Variants in THSD4 observed in about 807,000 individuals in gnomAD.
The protein encoded by THSD4 is thrombospondin type 1 domain containing 4.
THSD4 carries 69 observed loss-of-function variants against 119.0 expected under a neutral mutation model. That is an observed-to-expected ratio of 0.58 (90% CI 0.48 to 0.71). The LOEUF is 0.71. THSD4 is among the 30% of genes least tolerant of loss of function. The pLI, the probability that THSD4 is intolerant of heterozygous loss-of-function variation, is 0.00. For missense variants in THSD4, 1,393 were observed against 1,391.1 expected, an observed-to-expected ratio of 1.00 and a Z score of -0.02; for synonymous variants, 524 against 540.4, an observed-to-expected ratio of 0.97 and a Z score of 0.42.
intron 8 of THSD4, among the ~76,000 whole-genome samples, chr15:71,669,272 G>A (rs1002597007): frequency 6.6e-6 from 1 of 151,884 alleles, no homozygotes; most frequent in Non-Finnish European, 1.5e-5. Flanking sequence ...TTTTTAAATT[G>A]CACTTGTAGT....
In THSD4 at chr15:71,263,331, G is replaced by GTATGTATATA. The variant is rs1555458977; in HGVS notation, c.1015+6619_1015+6620insGTATATATAT. 1.5e-3 allele frequency among the ~76,000 whole-genome samples: 212 copies of GTATGTATATA among 138,896 alleles called. 3 individuals carry two copies. Among genetic ancestry groups the GTATGTATATA allele is most frequent in the African/African-American group, 5.0e-3 (189 of 37,488 alleles). The allele number at this position is 138,896 out of a possible 152,430, so 91.1% of individuals were successfully genotyped here. A position where few individuals can be genotyped will look rare whatever the true frequency, so the allele number is the denominator to read the frequency against. The stretch of plus-strand genomic sequence containing the variant: ...TTTTATGGCTGCATAGTATTCCATG[G>GTATGTATATA]TATATATATATATATACGACATTTT... On this transcript the variant is annotated intron_variant, in intron 6 of 17. Transcript: ENST00000261862.
intron 7 of THSD4, among the ~76,000 whole-genome samples, chr15:71,511,269 T>G (rs974145993): frequency 6.6e-6 from 1 of 152,198 alleles, no homozygotes; most frequent in African/African-American, 2.4e-5. Context: ...GGTATTGGAC[T>G]GAGGCAGAGT....
At chr15:71,756,135 A>G (rs1228500219) in intron 14 of THSD4, among the ~76,000 whole-genome samples, 1 of 152,198 alleles carries the variant, frequency 6.6e-6, no homozygotes, top group Non-Finnish European at 1.5e-5. Context: ...TTCAGAGGGA[A>G]TTTTTAGCAT....
chr15:71,460,264 T>C (rs1566991942), intron 7 of THSD4, among the ~76,000 whole-genome samples: 2 of 151,374 alleles, frequency 1.3e-5, no homozygotes, highest in Admixed American at 6.6e-5. Context: ...CATAAAAATA[T>C]AGGTAGATAA....
chr15:71,106,318 A>G (rs953331883), intron 1 of THSD4, among the ~76,000 whole-genome samples: 3 of 152,068 alleles, frequency 2.0e-5, no homozygotes, highest in African/African-American at 7.2e-5. Context: ...CCTCCCCACC[A>G]TTCCTGAGTA....
rs55892951 is a variant in THSD4 at position 71,608,249 on chromosome 15, T to TAC, written c.1153-52248_1153-52247dup. Reference sequence around the variant, plus strand: ...AAAAAAAAAAAAAAATATATATATATACACACACACACACACACACACACA... The same window carrying TAC: ...AAAAAAAAAAAAAAATATATATATATACACACACACACACACACACACACACA... On this transcript the variant is annotated intron_variant, in intron 7 of 17. Coordinates refer to ENST00000261862, the MANE Select transcript of THSD4 (RefSeq NM_024817.3). Among the ~76,000 whole-genome samples, 1,038 of 106,200 alleles carry TAC rather than the reference T, an allele frequency of 9.8e-3. 20 individuals carry two copies. Among genetic ancestry groups the TAC allele is most frequent in the Non-Finnish European group, 0.012 (647 of 55,978 alleles). The allele number at this position is 106,200 out of a possible 152,430, so 69.7% of individuals were successfully genotyped here. A position where few individuals can be genotyped will look rare whatever the true frequency, so the allele number is the denominator to read the frequency against.
chr15:71,349,830 G>A (rs1365749356), intron 6 of THSD4, among the ~76,000 whole-genome samples: 3 of 152,124 alleles, frequency 2.0e-5, no homozygotes. Flanking sequence ...GGTTTGTAAG[G>A]GTAACAGAGA....
intron 6 of THSD4, among the ~76,000 whole-genome samples, chr15:71,317,708 T>C (rs930128605): frequency 4.6e-5 from 7 of 152,136 alleles, no homozygotes; most frequent in African/African-American, 9.7e-5. Flanking sequence ...AGGCTGCCTG[T>C]GTAGGGGGAC....
rs1158132176 is a variant in THSD4, at chr15:71,590,011, A to G, written c.1153-70519A>G. On this transcript the variant is annotated intron_variant, in intron 7 of 17. Coordinates refer to ENST00000261862, the MANE Select transcript of THSD4 (RefSeq NM_024817.3). ...TTAAAAATGTAAAACAATACCATCA[A>G]TCATTTCTAGATCTGTGCATATCAG... Among the ~76,000 whole-genome samples, 7 of 139,794 alleles carry G rather than the reference A, an allele frequency of 5.0e-5. 1 individual carries two copies. Among genetic ancestry groups the G allele is most frequent in the African/African-American group, 7.5e-5 (3 of 39,974 alleles). The allele number at this position is 139,794 out of a possible 152,430, so 91.7% of individuals were successfully genotyped here. A position where few individuals can be genotyped will look rare whatever the true frequency, so the allele number is the denominator to read the frequency against.
chr15:71,544,632 T>G (rs973607635), intron 7 of THSD4, among the ~76,000 whole-genome samples: 2 of 152,206 alleles, frequency 1.3e-5, no homozygotes, highest in Non-Finnish European at 2.9e-5. Context: ...AATTACCGTA[T>G]GATTCAGTGA....
Position 71,505,256 on chromosome 15 carries a change from A to G in THSD4, c.1152+93433A>G, listed in dbSNP as rs151269953. 3.1e-4 allele frequency among the ~76,000 whole-genome samples: 47 copies of G among 152,346 alleles called. No homozygotes were observed. The East Asian group carries it at 7.5e-3, about 24-fold the overall frequency. ...TTCTCTAAGATGCCCAGAACACTGC[A>G]TCTTCACATCTTCACTGATACCTTT... On this transcript the variant is annotated intron_variant, in intron 7 of 17. Transcript: ENST00000261862.
At chr15:71,440,338 T>G (rs932072416) in intron 7 of THSD4, among the ~76,000 whole-genome samples, 3 of 152,244 alleles carry the variant, frequency 2.0e-5, no homozygotes, top group African/African-American at 7.2e-5. Flanking sequence ...CCTTTGAGTT[T>G]CAAGTCAGTT....
chr15:71,539,987 G>T (rs1347379719), intron 7 of THSD4, among the ~76,000 whole-genome samples: 1 of 152,140 alleles, frequency 6.6e-6, no homozygotes, highest in Non-Finnish European at 1.5e-5. Flanking sequence ...AGAAGCCAGG[G>T]CAGTGCCCTC....
At chr15:71,746,698 G>A (rs1263352584) in intron 12 of THSD4, 140 bp from the exon 13 acceptor site, 72 of 953,072 alleles carry the variant, frequency 7.6e-5, no homozygotes, top group Non-Finnish European at 1.1e-4. Context: ...CCCAGCCTAG[G>A]CTGACTTTCA....
At chr15:71,439,855 G>T (rs900699864) in intron 7 of THSD4, among the ~76,000 whole-genome samples, 35 of 152,118 alleles carry the variant, frequency 2.3e-4, no homozygotes, top group African/African-American at 8.2e-4. Context: ...ACATACTGGG[G>T]CCTGTTGGTG....
chr15:71,406,966 G>A (rs866464548), intron 6 of THSD4, among the ~76,000 whole-genome samples: 3 of 152,090 alleles, frequency 2.0e-5, no homozygotes, highest in South Asian at 4.1e-4. Flanking sequence ...TTACATGCAT[G>A]AGCCACTGTA....
At chr15:71,490,394 A>G (rs113537505) in intron 7 of THSD4, among the ~76,000 whole-genome samples, 135 of 152,254 alleles carry the variant, frequency 8.9e-4, no homozygotes, top group African/African-American at 3.1e-3. Flanking sequence ...CCCCGTCTCT[A>G]CTAAAAATAC....
chr15:71,671,255 T>C (rs932451381), intron 8 of THSD4, among the ~76,000 whole-genome samples: 3 of 152,368 alleles, frequency 2.0e-5, no homozygotes, highest in East Asian at 1.9e-4. Flanking sequence ...CATTTTTTCA[T>C]GTGTCTGTTG....
At chr15:71,422,625 G>A (rs768665238) in intron 7 of THSD4, among the ~76,000 whole-genome samples, 3 of 152,004 alleles carry the variant, frequency 2.0e-5, no homozygotes, top group African/African-American at 4.8e-5. Context: ...CTGGGACTGC[G>A]CTGGGTCAGA....
Sources: allele counts gnomAD v4.1 joint callset (sites outside exome capture counted in the v4.1 genomes callset), GRCh38; gene constraint gnomAD v4.1.1; transcripts MANE v1.5; gene names NCBI Gene and HGNC (gene_info 2026-07-23, HGNC 2026-07-21).